AGRN: variants seen among roughly 807,000 people sequenced by gnomAD.
The protein encoded by AGRN is agrin proteoglycan.
AGRN carries 106 observed loss-of-function variants against 211.0 expected under a neutral mutation model. The observed-to-expected ratio is 0.50, with a 90% confidence interval of 0.43 to 0.59. The LOEUF (loss-of-function observed/expected upper bound fraction) is 0.59, where lower values mean the gene tolerates loss of function less well. AGRN is among the 20% of genes least tolerant of loss of function. AGRN has a pLI of 0.00. For missense variants in AGRN, 3,040 were observed against 2,982.6 expected, an observed-to-expected ratio of 1.02 and a Z score of -0.45; for synonymous variants, 1,525 against 1,332.5, an observed-to-expected ratio of 1.14 and a Z score of -3.15.
In AGRN at chr1:1,046,102, G is replaced by A. The variant is rs763246395; in HGVS notation, c.2805+14G>A. ...AACGCTACCAAGGTGAGGGGTGTGG[G>A]ATGTGAAGGGGAGTGGGGAGGAGGC... On this transcript the variant is annotated intron_variant, in intron 16 of 35. Transcript: ENST00000379370. The A allele has an allele frequency of 6.2e-7, 1 of 1,614,014 alleles. No homozygotes were observed. The highest frequency in any genetic ancestry group is 1.1e-5 in the South Asian group (1 of 91,092).
Position 1,021,875 on chromosome 1 carries a change from C to T in AGRN, c.202-326C>T, listed in dbSNP as rs116468960. Reference sequence around the variant, plus strand: ...GGCAGGTGGGGAGAAGTGTGGAAGGCAGGCACCCCAAGCCAGGTGGGCCCC... The same window carrying T: ...GGCAGGTGGGGAGAAGTGTGGAAGGTAGGCACCCCAAGCCAGGTGGGCCCC... On this transcript the variant is annotated intron_variant, in intron 1 of 35. Coordinates refer to ENST00000379370, the MANE Select transcript of AGRN (RefSeq NM_198576.4). Among the ~76,000 whole-genome samples, 1,877 of 152,310 alleles carry T rather than the reference C, an allele frequency of 0.012. 44 individuals carry two copies. Among genetic ancestry groups the T allele is most frequent in the African/African-American group, 0.043 (1,778 of 41,558 alleles).
At position 1,044,137 on chromosome 1, in the gene AGRN, T is replaced by A. The variant is rs144713799; in HGVS notation, c.2028T>A (p.Ser676=). ...QAECGSGGSG[S]GEDGDCEQEL... is the part of the protein sequence containing the mutation. Reference sequence around the variant, plus strand: ...AGTGCGGTTCCGGAGGCTCTGGCTCTGGGGAGGACGGTGACTGTGAGCAGG... The same window carrying A: ...AGTGCGGTTCCGGAGGCTCTGGCTCAGGGGAGGACGGTGACTGTGAGCAGG... The change falls in exon 11 of 36, where the codon TCT becomes TCA. Residue 676 remains serine, a synonymous_variant. Transcript: ENST00000379370. 3.3e-4 allele frequency: 529 copies of A among 1,613,064 alleles called. No individual in the cohort carries two copies. The highest frequency in any genetic ancestry group is 3.8e-4 in the Non-Finnish European group (454 of 1,179,922).
intron 7 of AGRN, among the ~76,000 whole-genome samples, chr1:1,042,766 CA>C (rs1049713366): frequency 1.4e-4 from 22 of 151,832 alleles, no homozygotes; most frequent in South Asian, 1.0e-3. Flanking sequence ...CCTGGTGCGG[CA>C]GGGGGGGTGG....
chr1:1,052,084 G>A, intron 33 of AGRN: 1 of 1,447,652 alleles, frequency 6.9e-7, no homozygotes, highest in African/African-American at 1.4e-5. Flanking sequence ...GTGGGGAGCA[G>A]AGTCCGGAGC....
rs532331760 is a variant in AGRN at position 1,045,603 on chromosome 1, G to A, written c.2536+80G>A. 8 of 1,604,502 alleles carry A rather than the reference G, an allele frequency of 5.0e-6. No homozygotes were observed. The East Asian group carries it at 6.7e-5, about 13-fold the overall frequency. On this transcript the variant is annotated intron_variant, in intron 14 of 35. Transcript: ENST00000379370. ...CCCATCACTGTGCTTCTCCTCACCTGCCCAGGCCCTGGCCTGACCCACACC... is the reference window on the plus strand; with the variant it reads ...CCCATCACTGTGCTTCTCCTCACCTACCCAGGCCCTGGCCTGACCCACACC...
intron 1 of AGRN, among the ~76,000 whole-genome samples, chr1:1,021,960 G>C (rs1438685714): frequency 1.3e-5 from 2 of 152,248 alleles, no homozygotes; most frequent in African/African-American, 4.8e-5. Flanking sequence ...GCTGAAGTTG[G>C]TTAGACCTGG....
At chr1:1,045,902 G>C (rs769628367) in intron 15 of AGRN, 26 bp downstream of exon 15, 7 of 1,610,412 alleles carry the variant, frequency 4.3e-6, no homozygotes, top group Non-Finnish European at 4.2e-6. Flanking sequence ...CGCTACCCTG[G>C]GGCTTCATGG....
rs778562449 is a variant in AGRN at position 1,047,663 on chromosome 1, A to G, written c.3607A>G (p.Ile1203Val). ...GGGGCCCGGCAAATCCGTCCGCGCC[A>G]TTGTGGATGTGCACTTTGACCCCAG... Reference protein sequence around the residue: ...DLGPGKSVRAIVDVHFDPTTA... With the variant: ...DLGPGKSVRAVVDVHFDPTTA... Residue 1203 changes from isoleucine to valine, a missense_variant, in exon 21 of 36, where the codon ATT becomes GTT. Around this residue, in one of 3 missense-constraint regions of AGRN, gnomAD observed 1,537 missense variants for 1,505.0 expected, o/e 1.02. Coordinates refer to ENST00000379370, the MANE Select transcript of AGRN (RefSeq NM_198576.4). 30 of 1,612,906 alleles carry G rather than the reference A, an allele frequency of 1.9e-5. No individual in the cohort carries two copies. The highest frequency in any genetic ancestry group is 2.7e-5 in the African/African-American group (2 of 74,898).
intron 3 of AGRN, among the ~76,000 whole-genome samples, chr1:1,039,348 G>C (rs1332942222): frequency 6.6e-6 from 1 of 151,686 alleles, no homozygotes; most frequent in Non-Finnish European, 1.5e-5. Context: ...CCAGAGCCTG[G>C]GGTGGGCTGT....
chr1:1,033,988 C>G, intron 2 of AGRN: 1 of 415,744 alleles, frequency 2.4e-6, no homozygotes, highest in Non-Finnish European at 3.2e-6. Flanking sequence ...GCGTCTTCGC[C>G]CCTCACTCAC....
chr1:1,055,103 G>T lies in AGRN; in HGVS notation c.*122G>T. On this transcript the variant is annotated 3_prime_UTR_variant, in exon 36 of 36. Transcript: ENST00000379370. ...GGACTGCTGGCCCGGCCTCCCTTCC[G>T]TCCAGGCAGCCGTGCTGCAGACAGA... 3 of 1,458,872 alleles carry T rather than the reference G, an allele frequency of 2.1e-6. No homozygotes were observed. In the South Asian group the frequency reaches 3.7e-5, roughly 18 times the overall value. 90.4% of individuals were successfully genotyped at this position (1,458,872 alleles called of 1,614,324 possible).
intron 2 of AGRN, chr1:1,034,800 C>T (rs1213517369): frequency 7.3e-6 from 6 of 819,238 alleles, no homozygotes; most frequent in South Asian, 4.6e-5. Context: ...GCGGGGCTCC[C>T]GGCAGCTTCC....
intron 24 of AGRN, 72 bp from the exon 25 acceptor site, chr1:1,049,164 G>A: frequency 2.7e-6 from 3 of 1,092,530 alleles, no homozygotes; most frequent in East Asian, 7.2e-5. Flanking sequence ...GGGGACGGGG[G>A]CGGGGCAGCT....
In AGRN at chr1:1,046,383, C is replaced by T. The variant is rs919591306; in HGVS notation, c.2912-14C>T. 8 of 1,609,864 alleles carry T rather than the reference C, an allele frequency of 5.0e-6. No individual in the cohort carries two copies. In the East Asian group the frequency reaches 6.7e-5, roughly 13 times the overall value. On this transcript the variant is annotated splice_polypyrimidine_tract_variant and intron_variant, in intron 17 of 35. Transcript: ENST00000379370. The stretch of plus-strand genomic sequence containing the variant: ...TCCCAACCGGTCCCCCCGCCAACCT[C>T]CCTCTCCTTGCAGAGGCTGTTGCTC...
At position 1,022,431 on chromosome 1, in the gene AGRN, G is replaced by T. The variant is rs765817435; in HGVS notation, c.432G>T (p.Arg144=). The T allele has an allele frequency of 6.8e-6, 11 of 1,612,126 alleles. No homozygotes were observed. Among genetic ancestry groups the T allele is most frequent in the Non-Finnish European group, 9.3e-6 (11 of 1,179,048 alleles). Residue 144 remains arginine (R), a synonymous_variant, in exon 2 of 36, where the codon CGG becomes CGT. Transcript: ENST00000379370. The part of the protein sequence containing the change: ...LNSSLMRITL[R]NLEEVEFCVE... ...CCAGCCTCATGCGGATCACCCTGCG[G>T]AACCTGGAGGAGGTGGAGTTCTGTG... is the stretch of plus-strand genomic sequence containing the variant.
chr1:1,045,695 G>T (rs771712730), intron 14 of AGRN, 38 bp from the exon 15 acceptor site: 1 of 1,613,096 alleles, frequency 6.2e-7, no homozygotes, highest in South Asian at 1.1e-5. Context: ...AGCCCGTCCA[G>T]GTGCGGACAT....
intron 3 of AGRN, among the ~76,000 whole-genome samples, chr1:1,036,329 A>T (rs886832994): frequency 6.6e-6 from 1 of 152,128 alleles, no homozygotes; most frequent in African/African-American, 2.4e-5. Context: ...AGGTGGGGGC[A>T]GCTTGGGATG....
At chr1:1,030,125 T>G (rs1644627240) in intron 2 of AGRN, among the ~76,000 whole-genome samples, 1 of 68,662 alleles carries the variant, frequency 1.5e-5, no homozygotes, top group Non-Finnish European at 2.7e-5. Flanking sequence ...GTGCAGTGCA[T>G]GGTGCTGTGA....
At chr1:1,033,818 A>G (rs1417684153) in intron 2 of AGRN, among the ~76,000 whole-genome samples, 1 of 25,972 alleles carries the variant, frequency 3.9e-5, no homozygotes, top group Non-Finnish European at 8.1e-5. Flanking sequence ...GCCCAGCCCC[A>G]GCCCCAGCCC....
Sources: allele counts gnomAD v4.1 joint callset (sites outside exome capture counted in the v4.1 genomes callset), GRCh38; gene constraint gnomAD v4.1.1; regional missense constraint gnomAD v4.1.1; transcripts MANE v1.5; gene names NCBI Gene and HGNC (gene_info 2026-07-23, HGNC 2026-07-21).